The following SND1 variants were observed in gnomAD, a reference collection of about 807,000 sequenced individuals.
SND1 encodes staphylococcal nuclease and tudor domain containing 1, also known as staphylococcal nuclease domain-containing protein 1.
A neutral mutation model predicts 121.7 loss-of-function variants in SND1; 38 were observed. That is an observed-to-expected ratio of 0.31 (90% CI 0.24 to 0.41). The LOEUF is 0.41. Among genes scored for constraint, SND1 ranks in the 10% least tolerant of loss-of-function variants. The pLI, the probability that SND1 is intolerant of heterozygous loss-of-function variation, is 1.00. For missense variants in SND1, 868 were observed against 1,184.6 expected, an observed-to-expected ratio of 0.73 and a Z score of 3.92; for synonymous variants, 401 against 447.4, an observed-to-expected ratio of 0.90 and a Z score of 1.31.
intron 16 of SND1, among the ~76,000 whole-genome samples, chr7:128,048,789 G>A (rs1387330838): frequency 6.6e-6 from 1 of 152,314 alleles, no homozygotes; most frequent in South Asian, 2.1e-4. Flanking sequence ...CCCTGCTGCT[G>A]TAAGAGATCC....
chr7:128,047,129 C>T (rs1170290822), intron 16 of SND1, among the ~76,000 whole-genome samples: 1 of 152,166 alleles, frequency 6.6e-6, no homozygotes. Flanking sequence ...CCATAGGCTA[C>T]CCTCAACTGC....
chr7:128,067,309 C>G (rs1225248162), intron 16 of SND1, among the ~76,000 whole-genome samples: 1 of 152,190 alleles, frequency 6.6e-6, no homozygotes, highest in African/African-American at 2.4e-5. Context: ...TCTTCCCATC[C>G]AGGCCGCTTG....
At chr7:128,074,733 C>G in intron 17 of SND1, 43 bp downstream of exon 17, 1 of 1,537,142 alleles carries the variant, frequency 6.5e-7, no homozygotes, top group Admixed American at 1.9e-5. Flanking sequence ...CCCTCCCGTC[C>G]TCCTCACACA....
chr7:128,084,642 C>T, intron 18 of SND1, 82 bp from the exon 19 acceptor site: 1 of 1,463,140 alleles, frequency 6.8e-7, no homozygotes, highest in Non-Finnish European at 9.1e-7. Flanking sequence ...TGAGCTCCCT[C>T]CCCAACCACT....
At chr7:128,027,826 C>T (rs1163347486) in intron 16 of SND1, 1 of 152,190 alleles carries the variant, frequency 6.6e-6, no homozygotes, top group Non-Finnish European at 1.5e-5. Flanking sequence ...CTGCCGCACC[C>T]CTTCAGGGGC....
At chr7:128,061,435 T>C (rs1234080594) in intron 16 of SND1, among the ~76,000 whole-genome samples, 1 of 152,212 alleles carries the variant, frequency 6.6e-6, no homozygotes, top group Non-Finnish European at 1.5e-5. Flanking sequence ...GTGTGGTCCC[T>C]GTGTGGAGAA....
At chr7:128,074,020 T>C (rs1175418288) in intron 16 of SND1, among the ~76,000 whole-genome samples, 2 of 152,208 alleles carry the variant, frequency 1.3e-5, no homozygotes, top group African/African-American at 4.8e-5. Context: ...TCTCCTCTCC[T>C]GCTTTTCATG....
At chr7:128,010,889 G>A (rs564303574) in intron 16 of SND1, among the ~76,000 whole-genome samples, 29 of 152,328 alleles carry the variant, frequency 1.9e-4, no homozygotes, top group Middle Eastern at 6.8e-3. Flanking sequence ...CGCCAACACT[G>A]CACAGCTCAC....
chr7:128,085,844 A>T lies in SND1; in HGVS notation c.2304+64A>T. 7.4e-7 allele frequency: 1 copy of T among 1,357,020 alleles called. No individual in the cohort carries two copies. 84.1% of individuals were successfully genotyped at this position (1,357,020 alleles called of 1,614,324 possible). ...ACACAGCAGCCCCCGAGTCAAATCCATCTGATCTCTCCAAGGTCCCTCTGA... is the reference window on the plus strand; with the variant it reads ...ACACAGCAGCCCCCGAGTCAAATCCTTCTGATCTCTCCAAGGTCCCTCTGA... On this transcript the variant is annotated intron_variant, in intron 20 of 23. Transcript: ENST00000354725. The surrounding 1 kb of genome is among the most constrained non-coding windows in gnomAD (Gnocchi z 4.4).
rs556822338 is a variant in SND1, at chr7:127,899,308, A to G, written c.1455-5439A>G. ...CACACACACACACACACATTATACTACCATTTCAAAGGAGTTCACCTAGGA... is the reference window on the plus strand; with the variant it reads ...CACACACACACACACACATTATACTGCCATTTCAAAGGAGTTCACCTAGGA... On this transcript the variant is annotated intron_variant, in intron 13 of 23. Coordinates refer to ENST00000354725, the MANE Select transcript of SND1 (RefSeq NM_014390.4). Among the ~76,000 whole-genome samples, 10 of 151,842 alleles carry G rather than the reference A, an allele frequency of 6.6e-5. No homozygotes were observed. The East Asian group carries it at 1.9e-3, about 30-fold the overall frequency.
Position 128,085,227 on chromosome 7 carries a change from C to A in SND1, c.2234+380C>A, listed in dbSNP as rs1020228495. Reference sequence around the variant, plus strand: ...CAGTAAGCCTAAACCAGCTGCCCGACCCTCTTCCCCGGCTGTCTAGGACAT... The same window carrying A: ...CAGTAAGCCTAAACCAGCTGCCCGAACCTCTTCCCCGGCTGTCTAGGACAT... On this transcript the variant is annotated intron_variant, in intron 19 of 23. Transcript: ENST00000354725. This position sits in a 1 kb window ranked among gnomAD's most constrained non-coding sequence, Gnocchi z 4.4. 2.0e-5 allele frequency among the ~76,000 whole-genome samples: 3 copies of A among 152,156 alleles called. No homozygotes were observed. Among genetic ancestry groups the A allele is most frequent in the Non-Finnish European group, 4.4e-5 (3 of 68,024 alleles).
chr7:127,941,903 T>G (rs1411414684), intron 15 of SND1, among the ~76,000 whole-genome samples: 1 of 145,914 alleles, frequency 6.9e-6, no homozygotes, highest in African/African-American at 2.6e-5. Context: ...TTTTTTTTTT[T>G]TTTTTTTTTA....
At chr7:127,941,889 GTTTTTTTTT>G (rs34389081) in intron 15 of SND1, among the ~76,000 whole-genome samples, 2 of 100,260 alleles carry the variant, frequency 2.0e-5, no homozygotes, top group Non-Finnish European at 3.9e-5. Context: ...TTGATAGGGA[GTTTTTTTTT>G]TTTTTTTTTT....
intron 10 of SND1, among the ~76,000 whole-genome samples, chr7:127,770,877 C>T (rs1424948814): frequency 1.3e-5 from 2 of 152,156 alleles, no homozygotes. Context: ...GTAAAAGTGC[C>T]CACCTTTACT....
intron 13 of SND1, among the ~76,000 whole-genome samples, chr7:127,890,370 GA>G (rs1338280476): frequency 6.6e-6 from 1 of 151,994 alleles, no homozygotes; most frequent in Non-Finnish European, 1.5e-5. Context: ...ATTTTAATTG[GA>G]TTATTAGTCT....
chr7:127,880,519 A>T (rs1444282854), intron 12 of SND1, among the ~76,000 whole-genome samples: 1 of 152,066 alleles, frequency 6.6e-6, no homozygotes, highest in Non-Finnish European at 1.5e-5. Context: ...TTATAGGTTT[A>T]CTTTATTCTG....
chr7:127,873,387 G>C (rs1273629190), intron 12 of SND1, among the ~76,000 whole-genome samples: 6 of 152,088 alleles, frequency 3.9e-5, no homozygotes, highest in Non-Finnish European at 7.4e-5. Flanking sequence ...ACCTTTCCTG[G>C]ACTCCGTAAT....
chr7:127,988,384 G>A (rs1002191043), intron 15 of SND1, among the ~76,000 whole-genome samples: 2 of 152,194 alleles, frequency 1.3e-5, no homozygotes, highest in Non-Finnish European at 2.9e-5. Context: ...TACTCTTGTC[G>A]TGCTAGGGCT....
intron 16 of SND1, among the ~76,000 whole-genome samples, chr7:128,059,090 G>C (rs899899706): frequency 6.6e-6 from 1 of 152,108 alleles, no homozygotes; most frequent in South Asian, 2.1e-4. Context: ...CTTCTACCCT[G>C]CCACTTATGC....
Sources: gnomAD v4.1 joint callset for allele counts (sites outside exome capture counted in the v4.1 genomes callset) on GRCh38, gnomAD v4.1.1 for gene constraint, Gnocchi (gnomAD v3.1) non-coding constraint, MANE v1.5 for transcripts, NCBI Gene and HGNC (gene_info 2026-07-23, HGNC 2026-07-21) for gene names.